SEPTIN9: variants seen among roughly 807,000 people sequenced by gnomAD.
The protein encoded by SEPTIN9 is septin-9.
In SEPTIN9, 13 loss-of-function variants were observed where a neutral mutation model predicts 56.6. The ratio of observed to expected loss-of-function variants is 0.23; its 90% confidence interval spans 0.15 to 0.37. The LOEUF is 0.37. Among genes scored for constraint, SEPTIN9 ranks in the 10% least tolerant of loss-of-function variants. The pLI, the probability that SEPTIN9 is intolerant of heterozygous loss-of-function variation, is 1.00. For missense variants in SEPTIN9, 650 were observed against 823.1 expected, an observed-to-expected ratio of 0.79 and a Z score of 2.57; for synonymous variants, 332 against 334.1, an observed-to-expected ratio of 0.99 and a Z score of 0.07.
intron 4 of SEPTIN9, 45 bp downstream of exon 4, chr17:77,482,380 G>A (rs753663214): frequency 6.3e-7 from 1 of 1,594,138 alleles, no homozygotes; most frequent in South Asian, 1.1e-5. Context: ...CCGGAAACCA[G>A]CCTCAGCCCC....
Position 77,433,327 on chromosome 17 carries a change from A to G in SEPTIN9, c.721+30624A>G, listed in dbSNP as rs1568065588. ...TTCACTGGCCATTGCCTGAGACCCG[A>G]CCTGGTGGCTCCTGCCCCAAGGAGC... On this transcript the variant is annotated intron_variant, in intron 3 of 11. Transcript: ENST00000427177. The surrounding 1 kb of genome is among the most constrained non-coding windows in gnomAD (Gnocchi z 6.4). Among the ~76,000 whole-genome samples the G allele has an allele frequency of 1.3e-5, 2 of 151,496 alleles. No homozygotes were observed. Among genetic ancestry groups the G allele is most frequent in the African/African-American group, 4.9e-5 (2 of 41,180 alleles).
chr17:77,303,780 A>G (rs1294151253), intron 1 of SEPTIN9, among the ~76,000 whole-genome samples: 1 of 152,040 alleles, frequency 6.6e-6, no homozygotes, highest in Non-Finnish European at 1.5e-5. Context: ...GACCTCATTG[A>G]CTCGGAACAA....
intron 4 of SEPTIN9, among the ~76,000 whole-genome samples, chr17:77,484,309 T>C (rs2039580681): frequency 1.9e-5 from 1 of 52,074 alleles, no homozygotes; most frequent in African/African-American, 1.4e-4. Context: ...ATGTGGGTGA[T>C]GGTGATTGTG....
intron 3 of SEPTIN9, among the ~76,000 whole-genome samples, chr17:77,420,085 G>A (rs1002620732): frequency 6.6e-6 from 1 of 152,156 alleles, no homozygotes; most frequent in Non-Finnish European, 1.5e-5. Flanking sequence ...AGAGGTCACA[G>A]CCCTGCCTTA....
At chr17:77,382,758 GT>G (rs2035189647) in intron 2 of SEPTIN9, among the ~76,000 whole-genome samples, 1 of 152,216 alleles carries the variant, frequency 6.6e-6, no homozygotes, top group African/African-American at 2.4e-5. Flanking sequence ...TTGGGGTCGG[GT>G]GGGGGAGGAG....
At chr17:77,379,403 G>A (rs1254215726) in intron 2 of SEPTIN9, among the ~76,000 whole-genome samples, 3 of 152,092 alleles carry the variant, frequency 2.0e-5, no homozygotes, top group African/African-American at 4.8e-5. Context: ...GTGGCCGTAC[G>A]TGATGGGCAT....
At chr17:77,415,593 A>G (rs1412114500) in intron 3 of SEPTIN9, among the ~76,000 whole-genome samples, 1 of 148,556 alleles carries the variant, frequency 6.7e-6, no homozygotes, top group Non-Finnish European at 1.5e-5. Context: ...GCGCCACTGC[A>G]CTCCAGCCTG....
At chr17:77,361,584 A>G (rs956416093) in intron 2 of SEPTIN9, among the ~76,000 whole-genome samples, 5 of 151,546 alleles carry the variant, frequency 3.3e-5, no homozygotes, top group African/African-American at 1.2e-4. Context: ...TTTTTTCTGG[A>G]TAAATGTTCT....
At chr17:77,372,291 A>C (rs1388620634) in intron 2 of SEPTIN9, among the ~76,000 whole-genome samples, 1 of 152,048 alleles carries the variant, frequency 6.6e-6, no homozygotes, top group Non-Finnish European at 1.5e-5. Context: ...TAGGTGACAG[A>C]CCTGGGGGGC....
Position 77,500,391 on chromosome 17 carries a change from T to TG in SEPTIN9, c.*1738dup. 2.5e-5 allele frequency: 4 copies of TG among 158,892 alleles called. No homozygotes were observed. The highest frequency in any genetic ancestry group is 1.3e-4 in the East Asian group (1 of 7,674). The allele number at this position is 158,892 out of a possible 1,614,324, so 9.8% of individuals were successfully genotyped here. ...AATGTCACTTGGTGGCGGGGTGGGG[T>TG]GGGGGTGGGCAGCAGCATCCCAGCC... On this transcript the variant is annotated 3_prime_UTR_variant, in exon 12 of 12. Transcript: ENST00000427177.
chr17:77,491,968 G>A (rs945881447), intron 8 of SEPTIN9, among the ~76,000 whole-genome samples: 10 of 152,016 alleles, frequency 6.6e-5, no homozygotes, highest in African/African-American at 2.4e-4. Flanking sequence ...GCCACATGGG[G>A]TGCCTTTCAA....
Position 77,488,358 on chromosome 17 carries a change from C to T in SEPTIN9, c.1124+37C>T, listed in dbSNP as rs1336704205. On this transcript the variant is annotated intron_variant, in intron 6 of 11. Transcript: ENST00000427177. ...CCAGGGGGAGGAGCACTAGCGGGGG[C>T]TTCAGGGCTCCCTGGACCCCACCCA... is the stretch of plus-strand genomic sequence containing the variant. 6 of 1,570,704 alleles carry T rather than the reference C, an allele frequency of 3.8e-6. No individual in the cohort carries two copies. In the East Asian group the frequency reaches 1.1e-4, roughly 29 times the overall value.
chr17:77,341,989 A>G (rs958040889), intron 2 of SEPTIN9, among the ~76,000 whole-genome samples: 1 of 151,418 alleles, frequency 6.6e-6, no homozygotes, highest in African/African-American at 2.4e-5. Context: ...AGGCTGAGGC[A>G]GGAGAATGGC....
intron 3 of SEPTIN9, among the ~76,000 whole-genome samples, chr17:77,438,870 A>T (rs1463846896): frequency 2.6e-5 from 4 of 152,140 alleles, no homozygotes; most frequent in Non-Finnish European, 5.9e-5. Flanking sequence ...GCTCTGGGAG[A>T]TTCTGGGCTC....
chr17:77,424,885 G>C (rs962438631), intron 3 of SEPTIN9, among the ~76,000 whole-genome samples: 2 of 152,190 alleles, frequency 1.3e-5, no homozygotes, highest in Admixed American at 1.3e-4. Context: ...CTCAGTACTC[G>C]GAAGGAGGGG....
intron 2 of SEPTIN9, chr17:77,373,344 C>T (rs1221328926): frequency 2.5e-6 from 3 of 1,181,164 alleles, no homozygotes; most frequent in African/African-American, 3.2e-5. Context: ...CCCATTCATT[C>T]AGCTGAGCCA....
intron 2 of SEPTIN9, among the ~76,000 whole-genome samples, chr17:77,351,970 T>A (rs1421897632): frequency 6.6e-6 from 1 of 152,124 alleles, no homozygotes; most frequent in Non-Finnish European, 1.5e-5. Context: ...GGGGTGAGCA[T>A]CTGGGTGACC....
At chr17:77,473,973 CG>C (rs758895419) in intron 3 of SEPTIN9, among the ~76,000 whole-genome samples, 2 of 152,218 alleles carry the variant, frequency 1.3e-5, no homozygotes, top group Non-Finnish European at 2.9e-5. Flanking sequence ...CACCTCTGCA[CG>C]TGTGTCTAGT....
intron 2 of SEPTIN9, among the ~76,000 whole-genome samples, chr17:77,388,028 A>C (rs2035401006): frequency 6.7e-6 from 1 of 149,696 alleles, no homozygotes; most frequent in Admixed American, 6.6e-5. Flanking sequence ...CTCAGCGCCT[A>C]CTCCTCCCTG....
Sources: allele counts gnomAD v4.1 joint callset (sites outside exome capture counted in the v4.1 genomes callset), GRCh38; gene constraint gnomAD v4.1.1; non-coding constraint Gnocchi (gnomAD v3.1); transcripts MANE v1.5; gene names NCBI Gene and HGNC (gene_info 2026-07-23, HGNC 2026-07-21).